The following ANK3 variants were observed in gnomAD, a reference collection of about 807,000 sequenced individuals.
The protein encoded by ANK3 is ankyrin-3.
ANK3 carries 57 observed loss-of-function variants against 370.9 expected under a neutral mutation model. The observed-to-expected ratio is 0.15, with a 90% CI of 0.12 to 0.19. The LOEUF is 0.19. Ranked by LOEUF, ANK3 falls within the 10% of genes least tolerant of loss-of-function variation. The pLI is 1.00. For missense variants in ANK3, 4,439 were observed against 5,302.1 expected (o/e 0.84, Z 5.06); for synonymous variants, 1,929 against 1,946.3 (o/e 0.99, Z 0.23).
At chr10:60,684,649 G>C (rs537394878) in intron 1 of ANK3, 2 of 1,588,658 alleles carry the variant, frequency 1.3e-6, no homozygotes, top group African/African-American at 1.3e-5. Context: ...TGTAAATACC[G>C]TACCTACCAA....
Position 60,127,608 on chromosome 10 carries a change from A to T in ANK3, c.2841+6663T>A, listed in dbSNP as rs546581152. 1.3e-5 allele frequency among the ~76,000 whole-genome samples: 2 copies of T among 152,018 alleles called. 1 individual carries two copies. Among genetic ancestry groups the T allele is most frequent in the African/African-American group, 4.8e-5 (2 of 41,434 alleles). ...TAGCCTGCTAAATATTTGTAAACTGATGTCATGCCTTCTACCTTTTATCTG... is the reference window on the plus strand; with the variant it reads ...TAGCCTGCTAAATATTTGTAAACTGTTGTCATGCCTTCTACCTTTTATCTG... On this transcript the variant is annotated intron_variant, in intron 25 of 43. Transcript: ENST00000280772.
intron 23 of ANK3, among the ~76,000 whole-genome samples, chr10:60,147,526 A>G (rs1217083089): frequency 1.3e-5 from 2 of 152,180 alleles, no homozygotes; most frequent in Admixed American, 1.3e-4. Context: ...TCCCCACCAA[A>G]TCTCATGTTG....
rs1421889652 is a variant in ANK3 at position 60,076,146 on chromosome 10, A to G, written c.4735T>C (p.Ser1579Pro). The G allele has an allele frequency of 1.2e-6, 2 of 1,614,220 alleles. No homozygotes were observed. Among genetic ancestry groups the G allele is most frequent in the Admixed American group, 1.7e-5 (1 of 60,024 alleles). Residue 1579 changes from serine to proline, a missense_variant, in exon 37 of 44, where the codon TCG (serine) becomes CCG (proline). Transcript: ENST00000280772. ...SPIRSFRTMSSPIKTVVSQSP... is the reference protein window; with the variant it reads ...SPIRSFRTMSPPIKTVVSQSP... Reference sequence around the variant, plus strand: ...TGTGACACCACAGTTTTTATCGGCGAAGACATTGTCCGAAAGGATCTAATT... The same window carrying G: ...TGTGACACCACAGTTTTTATCGGCGGAGACATTGTCCGAAAGGATCTAATT...
intron 1 of ANK3, among the ~76,000 whole-genome samples, chr10:60,343,840 G>A (rs2054810707): frequency 1.3e-5 from 2 of 152,166 alleles, no homozygotes; most frequent in African/African-American, 4.8e-5. Flanking sequence ...GGACCCACCC[G>A]AGCATTCCTG....
intron 43 of ANK3, 105 bp downstream of exon 43, chr10:60,042,567 C>T: frequency 8.9e-7 from 1 of 1,125,910 alleles, no homozygotes; most frequent in Non-Finnish European, 1.3e-6. Context: ...AGCTGAAATT[C>T]AGTGAAAAGG....
At chr10:60,565,428 A>C (rs1310310149) in intron 2 of ANK3, among the ~76,000 whole-genome samples, 1 of 151,650 alleles carries the variant, frequency 6.6e-6, no homozygotes, top group Non-Finnish European at 1.5e-5. Context: ...CCAACAGGGC[A>C]GACTGATATC....
intron 1 of ANK3, among the ~76,000 whole-genome samples, chr10:60,669,917 G>C (rs2079044963): frequency 6.6e-6 from 1 of 152,116 alleles, no homozygotes; most frequent in South Asian, 2.1e-4. Flanking sequence ...TGACCTCCTA[G>C]GTTCTAGTGA....
intron 1 of ANK3, among the ~76,000 whole-genome samples, chr10:60,369,028 T>C (rs2059766320): frequency 6.6e-6 from 1 of 152,110 alleles, no homozygotes; most frequent in South Asian, 2.1e-4. Flanking sequence ...ACTGTGTGCA[T>C]TTGTCAAAGC....
chr10:60,348,223 C>A (rs2056066262), intron 1 of ANK3, among the ~76,000 whole-genome samples: 1 of 151,922 alleles, frequency 6.6e-6, no homozygotes, highest in Non-Finnish European at 1.5e-5. Context: ...TTGAGTCTTA[C>A]ATCTTTGAAA....
chr10:60,059,539 C>A, intron 40 of ANK3, 109 bp from the exon 41 acceptor site: 1 of 1,234,816 alleles, frequency 8.1e-7, no homozygotes, highest in Non-Finnish European at 1.2e-6. Context: ...AGTTGAATGT[C>A]CTCAAATAGA....
At chr10:60,526,401 A>G (rs1020598394) in intron 2 of ANK3, among the ~76,000 whole-genome samples, 1 of 152,166 alleles carries the variant, frequency 6.6e-6, no homozygotes, top group African/African-American at 2.4e-5. Flanking sequence ...ATATAACATT[A>G]TCCCTAATAC....
At chr10:60,388,354 A>C (rs2062704030) in intron 1 of ANK3, among the ~76,000 whole-genome samples, 1 of 152,190 alleles carries the variant, frequency 6.6e-6, no homozygotes, top group African/African-American at 2.4e-5. Flanking sequence ...AGGAATATTC[A>C]TGGTCACTCC....
At chr10:60,127,678 C>A (rs774583301) in intron 25 of ANK3, among the ~76,000 whole-genome samples, 1 of 150,414 alleles carries the variant, frequency 6.6e-6, no homozygotes, top group Non-Finnish European at 1.5e-5. Flanking sequence ...GCCTTCCATG[C>A]CATAATTTTT....
rs2096752237 is a variant in ANK3, at chr10:60,205,673, A to G, written c.1293+119T>C. Reference sequence around the variant, plus strand: ...CCTCTTCCTAAAGAGTTCAGAATGCAGTCTATGGCCATGATATGCAAACAA... The same window carrying G: ...CCTCTTCCTAAAGAGTTCAGAATGCGGTCTATGGCCATGATATGCAAACAA... On this transcript the variant is annotated intron_variant, in intron 11 of 43. Coordinates refer to ENST00000280772, the MANE Select transcript of ANK3 (RefSeq NM_020987.5). 10 of 705,750 alleles carry G rather than the reference A, an allele frequency of 1.4e-5. No individual in the cohort carries two copies. In the South Asian group the frequency reaches 1.7e-4, roughly 12 times the overall value. The allele number at this position is 705,750 out of a possible 1,614,324, so 43.7% of individuals were successfully genotyped here.
At chr10:60,696,501 C>T (rs2079452172) in intron 1 of ANK3, among the ~76,000 whole-genome samples, 1 of 151,502 alleles carries the variant, frequency 6.6e-6, no homozygotes, top group South Asian at 2.1e-4. Flanking sequence ...CAAAAATCCC[C>T]AATAAAATAC....
At chr10:60,663,277 T>A (rs1233918220) in intron 1 of ANK3, among the ~76,000 whole-genome samples, 1 of 152,136 alleles carries the variant, frequency 6.6e-6, no homozygotes, top group African/African-American at 2.4e-5. Flanking sequence ...TATACAGTGG[T>A]CATAGGGAGA....
chr10:60,129,084 C>T (rs1370927543), intron 25 of ANK3, among the ~76,000 whole-genome samples: 2 of 152,212 alleles, frequency 1.3e-5, no homozygotes, highest in Non-Finnish European at 2.9e-5. Context: ...TGTTTCCAAG[C>T]ACAGGTGTTG....
In ANK3 at chr10:60,272,317, A is replaced by G. The variant is rs182011824; in HGVS notation, c.415-2088T>C. ...ATATTCTTTAAGCAACAAAACAAGA[A>G]AAGAAAAGAAAAGGCCAAAACCAGT... On this transcript the variant is annotated intron_variant, in intron 4 of 43. Transcript: ENST00000280772. Among the ~76,000 whole-genome samples the G allele has an allele frequency of 2.6e-5, 4 of 152,196 alleles. No homozygotes were observed. In the East Asian group the frequency reaches 7.7e-4, roughly 29 times the overall value.
At chr10:60,312,832 C>A (rs1375761831) in intron 1 of ANK3, among the ~76,000 whole-genome samples, 1 of 152,202 alleles carries the variant, frequency 6.6e-6, no homozygotes, top group Non-Finnish European at 1.5e-5. Context: ...CATGCAGCAA[C>A]AACTGGCTGC....
Sources: gnomAD v4.1 joint callset for allele counts (sites outside exome capture counted in the v4.1 genomes callset) on GRCh38, gnomAD v4.1.1 for gene constraint, MANE v1.5 for transcripts, NCBI Gene and HGNC (gene_info 2026-07-23, HGNC 2026-07-21) for gene names.